NPHP4: variants seen among roughly 807,000 people sequenced by gnomAD.
NPHP4 encodes the protein nephrocystin-4.
NPHP4 carries 151 observed loss-of-function variants against 155.8 expected under a neutral mutation model. The ratio of observed to expected loss-of-function variants is 0.97; its 90% CI spans 0.85 to 1.11. NPHP4 has a LOEUF of 1.11. Ranked by LOEUF, NPHP4 falls within the 50% of genes least tolerant of loss-of-function variation. NPHP4 has a pLI of 0.00. For missense variants in NPHP4, 1,956 were observed against 1,925.7 expected (o/e 1.02, Z -0.29); for synonymous variants, 845 against 816.8 (o/e 1.03, Z -0.59).
chr1:5,978,321 T>C lies in NPHP4; in HGVS notation c.228A>G (p.Lys76=), dbSNP rs749799634. The C allele has an allele frequency of 2.5e-6, 4 of 1,609,768 alleles. No homozygotes were observed. In the Admixed American group the frequency reaches 5.0e-5, roughly 20 times the overall value. Residue 76 remains lysine (K), a synonymous_variant, in exon 3 of 30, where the codon AAA becomes AAG. Coordinates refer to ENST00000378156, the MANE Select transcript of NPHP4 (RefSeq NM_015102.5). ...GTCTCTTCGTCGGCTTCACTGTGGT[T>C]TTCCACGTCCTCCCAAAGAAGTGCC... is the stretch of plus-strand genomic sequence containing the variant. ...TYRHFFGRTW[K]TTVKPTKRPP...
At chr1:5,975,382 G>C (rs868704174) in intron 3 of NPHP4, among the ~76,000 whole-genome samples, 1 of 152,210 alleles carries the variant, frequency 6.6e-6, no homozygotes. Context: ...GGGCATAGCA[G>C]CTGCAGACAG....
chr1:5,926,662 C>A (rs1646021191), intron 11 of NPHP4, among the ~76,000 whole-genome samples: 1 of 152,180 alleles, frequency 6.6e-6, no homozygotes, highest in South Asian at 2.1e-4. Context: ...AAGACCAGTT[C>A]CCATAAATTA....
At chr1:5,919,948 C>G (rs1229889731) in intron 11 of NPHP4, among the ~76,000 whole-genome samples, 1 of 152,092 alleles carries the variant, frequency 6.6e-6, no homozygotes, top group Non-Finnish European at 1.5e-5. Flanking sequence ...ACCTATCTAT[C>G]TAGAGACAGA....
intron 23 of NPHP4, among the ~76,000 whole-genome samples, chr1:5,870,469 C>T (rs1293950489): frequency 6.6e-6 from 1 of 152,126 alleles, no homozygotes; most frequent in Admixed American, 6.5e-5. Context: ...AAATCCATGG[C>T]AGGCAAGCAT....
intron 5 of NPHP4, among the ~76,000 whole-genome samples, chr1:5,964,631 G>A (rs1651005724): frequency 6.6e-6 from 1 of 152,034 alleles, no homozygotes; most frequent in South Asian, 2.1e-4. Context: ...TGTCCAGGGA[G>A]AAGGTGCCTT....
intron 18 of NPHP4, 119 bp from the exon 19 acceptor site, chr1:5,880,358 T>A: frequency 1.0e-6 from 1 of 971,544 alleles, no homozygotes; most frequent in Non-Finnish European, 1.6e-6. Context: ...CCTGACACGC[T>A]AAGGCCCCAC....
intron 17 of NPHP4, among the ~76,000 whole-genome samples, chr1:5,888,773 C>A (rs1643954731): frequency 6.6e-6 from 1 of 152,230 alleles, no homozygotes; most frequent in Non-Finnish European, 1.5e-5. Context: ...GGACATGGGA[C>A]ACAGTGCCCT....
At chr1:5,972,454 G>A (rs1652751005) in intron 3 of NPHP4, among the ~76,000 whole-genome samples, 1 of 152,228 alleles carries the variant, frequency 6.6e-6, no homozygotes, top group Admixed American at 6.5e-5. Context: ...CCAAGGTTGA[G>A]AAACTCTCAT....
intron 18 of NPHP4, 110 bp from the exon 19 acceptor site, chr1:5,880,349 C>T: frequency 4.6e-6 from 5 of 1,096,328 alleles, no homozygotes; most frequent in Non-Finnish European, 6.7e-6. Flanking sequence ...TATCTACACC[C>T]TGACACGCTA....
intron 8 of NPHP4, 140 bp downstream of exon 8, chr1:5,947,930 G>A (rs1647198670): frequency 2.9e-6 from 2 of 680,330 alleles, no homozygotes; most frequent in Admixed American, 5.0e-5. Flanking sequence ...TGTTCCTAAT[G>A]GGCACAACTT....
At chr1:5,903,460 G>A (rs934500923) in intron 16 of NPHP4, among the ~76,000 whole-genome samples, 19 of 152,038 alleles carry the variant, frequency 1.2e-4, no homozygotes, top group South Asian at 4.1e-4. Context: ...CTCGAGAGGC[G>A]GCAGTGTTTC....
At chr1:5,911,527 A>T (rs184177385) in intron 11 of NPHP4, among the ~76,000 whole-genome samples, 1 of 152,230 alleles carries the variant, frequency 6.6e-6, no homozygotes, top group Non-Finnish European at 1.5e-5. Context: ...AACTTCTCGC[A>T]TGCATTTTAT....
At position 5,874,529 on chromosome 1, in the gene NPHP4, G is replaced by A; in HGVS notation, c.3173C>T (p.Thr1058Ile). The A allele has an allele frequency of 1.3e-6, 2 of 1,592,900 alleles. No individual in the cohort carries two copies. The highest frequency in any genetic ancestry group is 1.7e-6 in the Non-Finnish European group (2 of 1,169,986). The part of the protein sequence containing the change: ...APQLYLRPHE[T>I]AHVPFKFQSF... ...CTGGAACTTGAAGGGGACGTGGGCG[G>A]TCTCGTGGGGGCGCAGGTAGAGCTG... The change falls in exon 22 of 30, where the codon ACC becomes ATC. Residue 1058 changes from threonine (T) to isoleucine (I), a missense_variant. By Grantham distance (89) the Thr-to-Ile change is moderately conservative. Coordinates refer to ENST00000378156, the MANE Select transcript of NPHP4 (RefSeq NM_015102.5).
intron 9 of NPHP4, among the ~76,000 whole-genome samples, chr1:5,935,322 C>T (rs1271346018): frequency 3.3e-5 from 5 of 152,166 alleles, no homozygotes; most frequent in African/African-American, 9.7e-5. Flanking sequence ...GCCACATTCA[C>T]GCCCCCGTCA....
At chr1:5,969,551 T>C (rs1652180697) in intron 3 of NPHP4, among the ~76,000 whole-genome samples, 1 of 152,160 alleles carries the variant, frequency 6.6e-6, no homozygotes, top group Admixed American at 6.5e-5. Flanking sequence ...TCCCTAGGAA[T>C]TCCACCACAA....
At chr1:5,915,259 G>T (rs1264661022) in intron 11 of NPHP4, among the ~76,000 whole-genome samples, 1 of 152,122 alleles carries the variant, frequency 6.6e-6, no homozygotes, top group Non-Finnish European at 1.5e-5. Context: ...GTTACAAACA[G>T]GGGTAAACAG....
chr1:5,950,696 G>A (rs745817431), intron 7 of NPHP4, among the ~76,000 whole-genome samples: 2 of 152,068 alleles, frequency 1.3e-5, no homozygotes, highest in South Asian at 2.1e-4. Flanking sequence ...CAGGAGCCAC[G>A]CCACCCCAAC....
chr1:5,873,999 C>T, intron 22 of NPHP4, among the ~76,000 whole-genome samples: 1 of 152,130 alleles, frequency 6.6e-6, no homozygotes, highest in East Asian at 1.9e-4. Flanking sequence ...ACCTCACATA[C>T]ATCCTGCACA....
intron 18 of NPHP4, among the ~76,000 whole-genome samples, chr1:5,886,006 T>C (rs965182113): frequency 6.6e-6 from 1 of 152,180 alleles, no homozygotes; most frequent in African/African-American, 2.4e-5. Context: ...GCAGGCAAAG[T>C]ATGAAAATGA....
Sources: gnomAD v4.1 joint callset for allele counts (sites outside exome capture counted in the v4.1 genomes callset) on GRCh38, gnomAD v4.1.1 for gene constraint, MANE v1.5 for transcripts, NCBI Gene and HGNC (gene_info 2026-07-23, HGNC 2026-07-21) for gene names.